Variants in RANBP9 observed in about 807,000 individuals in gnomAD.
RANBP9 encodes the protein ran-binding protein 9.
In RANBP9, 15 loss-of-function variants were observed where a neutral mutation model predicts 84.3. That is an observed-to-expected ratio of 0.18 (90% CI 0.12 to 0.27). The LOEUF is 0.27. Ranked by LOEUF, RANBP9 falls within the 10% of genes least tolerant of loss-of-function variation. RANBP9 has a pLI of 1.00. For missense variants in RANBP9, 809 were observed against 912.8 expected (o/e 0.89, Z 1.46); for synonymous variants, 392 against 349.6 (o/e 1.12, Z -1.35).
rs1035967311 is a variant in RANBP9, at chr6:13,711,216, G to A, written c.290C>T (p.Ala97Val). The change falls in exon 1 of 14, where the codon GCC becomes GTC. Residue 97 changes from alanine (A) to valine (V), a missense_variant. Around this residue, in one of 5 missense-constraint regions of RANBP9, gnomAD observed 302 missense variants for 240.1 expected, o/e 1.26. Coordinates refer to ENST00000011619, the MANE Select transcript of RANBP9 (RefSeq NM_005493.3). ...PPPPPPASAA[A>V]PASGPPAPPG... ...GGGAGCGGGCGGCCCGCTGGCGGGG[G>A]CAGCCGCTGAGGCAGGGGGAGGCGG... The A allele has an allele frequency of 8.0e-6, 9 of 1,119,110 alleles. No homozygotes were observed. Among genetic ancestry groups the A allele is most frequent in the Middle Eastern group, 3.7e-4 (1 of 2,698 alleles). The allele number at this position is 1,119,110 out of a possible 1,614,324, so 69.3% of individuals were successfully genotyped here.
intron 2 of RANBP9, among the ~76,000 whole-genome samples, chr6:13,692,677 C>A (rs1462268093): frequency 6.6e-6 from 1 of 151,616 alleles, no homozygotes. Context: ...CAGGGTGAAA[C>A]CCCATCTCTA....
rs1758294452 is a variant in RANBP9, at chr6:13,711,704, G to A, written c.-199C>T. On this transcript the variant is annotated 5_prime_UTR_variant, in exon 1 of 14. Transcript: ENST00000011619. ...CGGGAGTAGGCGGCGGGCCCGGGAG[G>A]CCGGGAGAGAACGTTGGCCGGAGCG... 6.1e-6 allele frequency: 2 copies of A among 330,452 alleles called. No homozygotes were observed. Among genetic ancestry groups the A allele is most frequent in the Non-Finnish European group, 1.0e-5 (2 of 196,562 alleles). The allele number at this position is 330,452 out of a possible 1,614,324, so 20.5% of individuals were successfully genotyped here.
intron 2 of RANBP9, among the ~76,000 whole-genome samples, chr6:13,687,979 G>A (rs143998449): frequency 4.5e-4 from 69 of 152,328 alleles, no homozygotes; most frequent in African/African-American, 1.6e-3. Context: ...AGTGGCAGCA[G>A]CCAGCAGCAA....
At chr6:13,663,166 A>G (rs1765571932) in intron 2 of RANBP9, among the ~76,000 whole-genome samples, 1 of 152,116 alleles carries the variant, frequency 6.6e-6, no homozygotes, top group Non-Finnish European at 1.5e-5. Context: ...AAAGTGCAGA[A>G]AACAGCTAGA....
intron 4 of RANBP9, among the ~76,000 whole-genome samples, chr6:13,656,416 C>T (rs1004611551): frequency 1.3e-5 from 2 of 151,606 alleles, no homozygotes; most frequent in Non-Finnish European, 2.9e-5. Context: ...AAAAAAACTT[C>T]TAAGAAAATG....
intron 12 of RANBP9, among the ~76,000 whole-genome samples, chr6:13,630,141 C>T (rs569896184): frequency 6.6e-6 from 1 of 152,212 alleles, no homozygotes; most frequent in South Asian, 2.1e-4. Context: ...TAAGGTGGGT[C>T]AGTTGCTCAC....
intron 11 of RANBP9, among the ~76,000 whole-genome samples, chr6:13,633,928 A>T (rs151033419): frequency 0.033 from 3,638 of 109,018 alleles, 67 homozygotes; most frequent in Non-Finnish European, 0.044. Flanking sequence ...GAGCCACATA[A>T]TTTTTTTGTT....
intron 2 of RANBP9, among the ~76,000 whole-genome samples, chr6:13,693,590 T>C (rs1433291216): frequency 6.6e-6 from 1 of 151,834 alleles, no homozygotes; most frequent in Admixed American, 6.6e-5. Context: ...CTACTAAAAA[T>C]ACAAAAGATT....
chr6:13,649,466 A>G (rs1350080015), intron 5 of RANBP9, among the ~76,000 whole-genome samples: 1 of 147,612 alleles, frequency 6.8e-6, no homozygotes, highest in South Asian at 2.1e-4. Context: ...CAACAGAAAA[A>G]AAAAAAAAAA....
intron 1 of RANBP9, among the ~76,000 whole-genome samples, chr6:13,706,238 G>A (rs748973314): frequency 4.6e-5 from 7 of 152,180 alleles, no homozygotes; most frequent in Non-Finnish European, 8.8e-5. Flanking sequence ...CAGCTACTTG[G>A]AAGGCTGAGG....
chr6:13,691,618 G>A (rs1584945420), intron 2 of RANBP9, among the ~76,000 whole-genome samples: 1 of 151,932 alleles, frequency 6.6e-6, no homozygotes, highest in Non-Finnish European at 1.5e-5. Flanking sequence ...TGAGATCTGG[G>A]ATAAACACTG....
intron 2 of RANBP9, among the ~76,000 whole-genome samples, chr6:13,679,877 T>A (rs1429913784): frequency 1.3e-5 from 2 of 152,182 alleles, no homozygotes; most frequent in Non-Finnish European, 2.9e-5. Context: ...TTACACTGGA[T>A]GTTCAAGACT....
intron 5 of RANBP9, among the ~76,000 whole-genome samples, chr6:13,649,798 C>T (rs137970689): frequency 4.1e-4 from 62 of 152,260 alleles, no homozygotes; most frequent in African/African-American, 1.4e-3. Context: ...TATCCACTGC[C>T]TATAACTCAC....
intron 5 of RANBP9, among the ~76,000 whole-genome samples, chr6:13,647,441 GATAAC>G (rs939399805): frequency 6.6e-6 from 1 of 151,970 alleles, no homozygotes; most frequent in Non-Finnish European, 1.5e-5. Flanking sequence ...AAGTTAATAA[GATAAC>G]ATAAAGCAGG....
intron 2 of RANBP9, among the ~76,000 whole-genome samples, chr6:13,665,133 A>C (rs1359913184): frequency 1.3e-5 from 2 of 152,208 alleles, no homozygotes; most frequent in African/African-American, 4.8e-5. Flanking sequence ...ACAGTCCTAA[A>C]TATAAATGTT....
Position 13,625,063 on chromosome 6 carries a change from T to C in RANBP9, c.2059+590A>G, listed in dbSNP as rs552313780. Among the ~76,000 whole-genome samples the C allele has an allele frequency of 4.6e-5, 7 of 152,358 alleles. No homozygotes were observed. In the South Asian group the frequency reaches 1.2e-3, roughly 27 times the overall value. Reference sequence around the variant, plus strand: ...ACTGGATCAGTTTGAGCTTCTCTGATATTCAAGCTCTTCACTCCCTTACTT... The same window carrying C: ...ACTGGATCAGTTTGAGCTTCTCTGACATTCAAGCTCTTCACTCCCTTACTT... On this transcript the variant is annotated intron_variant, in intron 13 of 13. Coordinates refer to ENST00000011619, the MANE Select transcript of RANBP9 (RefSeq NM_005493.3).
chr6:13,675,606 G>T (rs937417206), intron 2 of RANBP9, among the ~76,000 whole-genome samples: 3 of 149,140 alleles, frequency 2.0e-5, no homozygotes, highest in African/African-American at 7.4e-5. Context: ...GAAAGAAGAA[G>T]AAATGAGAAA....
In RANBP9 at chr6:13,711,319, C is replaced by A; in HGVS notation, c.187G>T (p.Ala63Ser). Residue 63 changes from alanine (A) to serine (S), a missense_variant, in exon 1 of 14, where the codon GCG (alanine) becomes TCG (serine). Transcript: ENST00000011619. ...GGGTGGAGGAGCAGGGCGGCCGCCG[C>A]GGCCCCTAAGCCTTCGCCGCCCGCA... ...GGAGGEGLGA[A>S]AAALLLHPPP... is the part of the protein sequence containing the mutation. The A allele has an allele frequency of 9.2e-7, 1 of 1,082,906 alleles. No homozygotes were observed. Among genetic ancestry groups the A allele is most frequent in the Non-Finnish European group, 1.1e-6 (1 of 894,260 alleles). 67.1% of individuals were successfully genotyped at this position (1,082,906 alleles called of 1,614,324 possible).
rs1031383687 is a variant in RANBP9 at position 13,622,261 on chromosome 6, A to G, written c.*101T>C. ...TGTAAAGCGACAAAAACCTGTCCCC[A>G]GTACATAATTTAAAAAATCTAAATT... is the stretch of plus-strand genomic sequence containing the variant. On this transcript the variant is annotated 3_prime_UTR_variant, in exon 14 of 14. Coordinates refer to ENST00000011619, the MANE Select transcript of RANBP9 (RefSeq NM_005493.3). 3.3e-6 allele frequency: 4 copies of G among 1,228,566 alleles called. No individual in the cohort carries two copies. The African/African-American group carries it at 6.2e-5, about 19-fold the overall frequency. 76.1% of individuals were successfully genotyped at this position (1,228,566 alleles called of 1,614,324 possible). A position where few individuals can be genotyped will look rare whatever the true frequency, so the allele number is the denominator to read the frequency against.
Sources: allele counts gnomAD v4.1 joint callset (sites outside exome capture counted in the v4.1 genomes callset), GRCh38; gene constraint gnomAD v4.1.1; regional missense constraint gnomAD v4.1.1; transcripts MANE v1.5; gene names NCBI Gene and HGNC (gene_info 2026-07-23, HGNC 2026-07-21).